The following HOMER1 variants were observed in gnomAD, a reference collection of about 807,000 sequenced individuals.
The protein encoded by HOMER1 is homer protein homolog 1.
Under a neutral mutation model 48.9 loss-of-function variants are expected in HOMER1, and 3 were observed. The observed-to-expected ratio is 0.06, with a 90% CI of 0.03 to 0.16. HOMER1 has a LOEUF of 0.16. Ranked by LOEUF, HOMER1 falls within the 10% of genes least tolerant of loss-of-function variation. The pLI is 1.00. For synonymous variants in HOMER1, 134 were observed against 146.4 expected (o/e 0.92, Z 0.61); for missense variants, 247 against 411.4 (o/e 0.60, Z 3.46).
rs552096222 is a variant in HOMER1, at chr5:79,421,707, T to C, written c.527+17303A>G. ...TGCAACCTCCATCTCCGGGTTCAAG[T>C]GATTCTCCTGCCTCAGCCTCCCGAG... On this transcript the variant is annotated intron_variant, in intron 5 of 8. Transcript: ENST00000334082. 5.9e-5 allele frequency among the ~76,000 whole-genome samples: 9 copies of C among 151,566 alleles called. No homozygotes were observed. The East Asian group carries it at 1.8e-3, about 30-fold the overall frequency.
chr5:79,471,943 C>G (rs1056705177), intron 1 of HOMER1, among the ~76,000 whole-genome samples: 12 of 152,198 alleles, frequency 7.9e-5, no homozygotes, highest in Admixed American at 7.2e-4. Context: ...TCAAGTAGAG[C>G]CATTCTTGGT....
chr5:79,487,124 C>A (rs1386045692), intron 1 of HOMER1, among the ~76,000 whole-genome samples: 4 of 152,024 alleles, frequency 2.6e-5, no homozygotes, highest in African/African-American at 9.7e-5. Flanking sequence ...ACTAAAAATA[C>A]AAAAATTAGC....
chr5:79,411,838 G>A (rs1580432576), intron 5 of HOMER1, among the ~76,000 whole-genome samples: 1 of 152,360 alleles, frequency 6.6e-6, no homozygotes. Context: ...ACAGGGTGCA[G>A]CTGGGTGGAG....
chr5:79,385,697 G>A (rs1000628524), intron 8 of HOMER1, among the ~76,000 whole-genome samples: 1 of 151,852 alleles, frequency 6.6e-6, no homozygotes, highest in African/African-American at 2.4e-5. Flanking sequence ...ATAAAAATTA[G>A]CTAGGCATGT....
At chr5:79,376,386 T>C (rs1362477134) in intron 8 of HOMER1, among the ~76,000 whole-genome samples, 189 bp from the exon 9 acceptor site, 2 of 152,160 alleles carry the variant, frequency 1.3e-5, no homozygotes, top group Admixed American at 6.5e-5. Flanking sequence ...ACGATTTTAA[T>C]GACTGGCTTG....
chr5:79,495,439 G>A (rs1414247071), intron 1 of HOMER1, among the ~76,000 whole-genome samples: 1 of 152,190 alleles, frequency 6.6e-6, no homozygotes, highest in Non-Finnish European at 1.5e-5. Context: ...CAAGGTGGAG[G>A]TGGGCACTTC....
At position 79,422,611 on chromosome 5, in the gene HOMER1, C is replaced by CAA. The variant is rs149190639; in HGVS notation, c.527+16397_527+16398dup. Among the ~76,000 whole-genome samples the CAA allele has an allele frequency of 2.2e-3, 301 of 135,042 alleles. 1 individual carries two copies. Among genetic ancestry groups the CAA allele is most frequent in the Admixed American group, 4.0e-3 (54 of 13,464 alleles). The allele number at this position is 135,042 out of a possible 152,430, so 88.6% of individuals were successfully genotyped here. A position where few individuals can be genotyped will look rare whatever the true frequency, so the allele number is the denominator to read the frequency against. On this transcript the variant is annotated intron_variant, in intron 5 of 8. Coordinates refer to ENST00000334082, the MANE Select transcript of HOMER1 (RefSeq NM_004272.5). ...ATTCTACTTCTCATGAGACAATTGT[C>CAA]AAAAAAAAAAGAAAAAAACAGTAGA...
intron 5 of HOMER1, among the ~76,000 whole-genome samples, chr5:79,432,500 T>C (rs972571732): frequency 6.6e-6 from 1 of 152,192 alleles, no homozygotes; most frequent in Non-Finnish European, 1.5e-5. Context: ...CTAATCGCCA[T>C]TGGAGGTGGG....
rs543540619 is a variant in HOMER1, at chr5:79,420,456, G to A, written c.528-18401C>T. Among the ~76,000 whole-genome samples the A allele has an allele frequency of 3.6e-4, 55 of 152,190 alleles. 1 individual carries two copies. The highest frequency in any genetic ancestry group is 5.9e-4 in the Non-Finnish European group (40 of 67,974). ...TGAGTTATGTATGACTCCACAAGGAGCCTACTTTCATGATCCAGCCATACC... is the reference window on the plus strand; with the variant it reads ...TGAGTTATGTATGACTCCACAAGGAACCTACTTTCATGATCCAGCCATACC... On this transcript the variant is annotated intron_variant, in intron 5 of 8. Transcript: ENST00000334082.
intron 1 of HOMER1, among the ~76,000 whole-genome samples, chr5:79,506,183 C>T (rs890355547): frequency 3.3e-5 from 5 of 151,552 alleles, no homozygotes; most frequent in African/African-American, 9.7e-5. Context: ...GGGGCAATCT[C>T]GGCTCACTGC....
chr5:79,507,579 G>C (rs558933159), intron 1 of HOMER1, among the ~76,000 whole-genome samples: 1 of 151,826 alleles, frequency 6.6e-6, no homozygotes, highest in East Asian at 1.9e-4. Context: ...AACTACATCA[G>C]AAAAAAATTA....
intron 1 of HOMER1, among the ~76,000 whole-genome samples, chr5:79,464,414 G>T (rs761591333): frequency 7.2e-5 from 11 of 152,288 alleles, no homozygotes; most frequent in Admixed American, 1.3e-4. Flanking sequence ...AACAATACTT[G>T]TTCAGGCCAA....
In HOMER1 at chr5:79,375,929, A is replaced by G; in HGVS notation, c.*80T>C. 1.6e-6 allele frequency: 1 copy of G among 617,134 alleles called. No individual in the cohort carries two copies. Among genetic ancestry groups the G allele is most frequent in the Non-Finnish European group, 2.4e-6 (1 of 416,968 alleles). The allele number at this position is 617,134 out of a possible 1,614,324, so 38.2% of individuals were successfully genotyped here. A position where few individuals can be genotyped will look rare whatever the true frequency, so the allele number is the denominator to read the frequency against. ...ATTTTTTTTTTTTTTTTTTTGTGCA[A>G]TCTTGATGCAGAGCCTAAACAGTCC... On this transcript the variant is annotated 3_prime_UTR_variant, in exon 9 of 9. Transcript: ENST00000334082.
intron 1 of HOMER1, among the ~76,000 whole-genome samples, chr5:79,488,323 C>T (rs1476880281): frequency 6.6e-6 from 1 of 152,220 alleles, no homozygotes; most frequent in African/African-American, 2.4e-5. Context: ...ACGATTGATG[C>T]AGGAGATTAA....
intron 5 of HOMER1, among the ~76,000 whole-genome samples, chr5:79,425,819 T>C (rs1464005234): frequency 1.3e-5 from 2 of 151,874 alleles, no homozygotes; most frequent in Non-Finnish European, 2.9e-5. Context: ...AGACCTTAGG[T>C]GGTCTCTTTA....
chr5:79,443,598 C>G (rs932373961), intron 4 of HOMER1, among the ~76,000 whole-genome samples: 4 of 152,106 alleles, frequency 2.6e-5, no homozygotes, highest in Non-Finnish European at 5.9e-5. Context: ...CATCATCCTC[C>G]CCATTACAAC....
rs1371514235 is a variant in HOMER1 at position 79,510,841 on chromosome 5, T to TCAGTTCCAGCTC, written c.5+1917_5+1928dup. 4 of 721,518 alleles carry TCAGTTCCAGCTC rather than the reference T, an allele frequency of 5.5e-6. No homozygotes were observed. In the East Asian group the frequency reaches 9.8e-5, roughly 18 times the overall value. The allele number at this position is 721,518 out of a possible 1,614,324, so 44.7% of individuals were successfully genotyped here. A position where few individuals can be genotyped will look rare whatever the true frequency, so the allele number is the denominator to read the frequency against. ...CAAGGCCCAGGCTGCAGCTCCAGCT[T>TCAGTTCCAGCTC]CAGTTCCAGCTCAGGCTCCCAAAGG... On this transcript the variant is annotated intron_variant, in intron 1 of 8. Coordinates refer to ENST00000334082, the MANE Select transcript of HOMER1 (RefSeq NM_004272.5).
chr5:79,454,998 G>T (rs1013131957), intron 2 of HOMER1, among the ~76,000 whole-genome samples: 1 of 151,914 alleles, frequency 6.6e-6, no homozygotes, highest in African/African-American at 2.4e-5. Flanking sequence ...AAGAGACAGG[G>T]TCTCGCTCTG....
intron 1 of HOMER1, among the ~76,000 whole-genome samples, chr5:79,483,689 T>A (rs1004227478): frequency 6.6e-6 from 1 of 150,964 alleles, no homozygotes; most frequent in Non-Finnish European, 1.5e-5. Context: ...GGGGTAAATA[T>A]GCAGGTAAAT....
Sources: gnomAD v4.1 joint callset for allele counts (sites outside exome capture counted in the v4.1 genomes callset) on GRCh38, gnomAD v4.1.1 for gene constraint, MANE v1.5 for transcripts, NCBI Gene and HGNC (gene_info 2026-07-23, HGNC 2026-07-21) for gene names.